CAST: variants seen among roughly 807,000 people sequenced by gnomAD.
The protein encoded by CAST is calpastatin.
In CAST, 76 loss-of-function variants were observed where a neutral mutation model predicts 119.6. The observed-to-expected ratio is 0.64, with a 90% CI of 0.53 to 0.77. The LOEUF is 0.77. Ranked by LOEUF, CAST falls within the 30% of genes least tolerant of loss-of-function variation. The pLI is 0.00. For synonymous variants in CAST, 319 were observed against 331.6 expected (o/e 0.96, Z 0.41); for missense variants, 953 against 946.5 (o/e 1.01, Z -0.09).
At chr5:96,738,143 G>A (rs1228626460) in intron 11 of CAST, among the ~76,000 whole-genome samples, 196 bp downstream of exon 11, 2 of 152,136 alleles carry the variant, frequency 1.3e-5, no homozygotes, top group Non-Finnish European at 2.9e-5. Context: ...CCAACATGGT[G>A]AAACCCTGTC....
At chr5:96,324,814 G>T in the CAST span, among the ~76,000 whole-genome samples, 2 of 151,504 alleles carry the variant, frequency 1.3e-5, no homozygotes, top group African/African-American at 4.9e-5. Flanking sequence ...TTTTCCCCAG[G>T]TTCCACTTAA....
the CAST span, among the ~76,000 whole-genome samples, chr5:96,243,347 A>G: frequency 3.8e-4 from 58 of 151,918 alleles, no homozygotes; most frequent in Non-Finnish European, 7.5e-4. Context: ...CAAGAGACTG[A>G]AGAACGTTTT....
chr5:96,092,170 C>T, the CAST span, among the ~76,000 whole-genome samples: 1 of 152,172 alleles, frequency 6.6e-6, no homozygotes, highest in Non-Finnish European at 1.5e-5. Context: ...CTACTCCTCT[C>T]CCTTAGAAAA....
At chr5:96,666,030 A>G (rs1488859286) in intron 1 of CAST, among the ~76,000 whole-genome samples, 1 of 152,208 alleles carries the variant, frequency 6.6e-6, no homozygotes, top group Non-Finnish European at 1.5e-5. Flanking sequence ...AAATCCTATA[A>G]TTAAAATATC....
intron 1 of CAST, among the ~76,000 whole-genome samples, chr5:96,654,490 A>G (rs1386991837): frequency 6.6e-6 from 1 of 152,202 alleles, no homozygotes; most frequent in Non-Finnish European, 1.5e-5. Context: ...TACCAGTTTC[A>G]AAAACAAAGC....
At chr5:96,735,294 G>C (rs922297778) in intron 9 of CAST, among the ~76,000 whole-genome samples, 26 of 152,242 alleles carry the variant, frequency 1.7e-4, no homozygotes, top group African/African-American at 6.0e-4. Flanking sequence ...CAACTGTTAT[G>C]CAAACCTTGG....
At chr5:96,376,152 C>A in the CAST span, among the ~76,000 whole-genome samples, 1 of 150,710 alleles carries the variant, frequency 6.6e-6, no homozygotes, top group Admixed American at 6.6e-5. Context: ...TGCATAACAA[C>A]ATTTCAGCCA....
the CAST span, chr5:96,412,477 C>G: frequency 1.2e-6 from 2 of 1,613,968 alleles, no homozygotes; most frequent in South Asian, 2.2e-5. Context: ...CAATGCCATC[C>G]AGCATTCTTA....
chr5:96,164,825 T>C, the CAST span, among the ~76,000 whole-genome samples: 1 of 152,306 alleles, frequency 6.6e-6, no homozygotes. Context: ...TTCCTTTTCT[T>C]CTTTCTCTTT....
intron 1 of CAST, among the ~76,000 whole-genome samples, chr5:96,667,374 G>A (rs1749476104): frequency 1.3e-5 from 2 of 152,190 alleles, no homozygotes; most frequent in African/African-American, 4.8e-5. Context: ...GCCTCCTCTT[G>A]CATTTCTCAT....
At chr5:95,996,574 G>T in the CAST span, among the ~76,000 whole-genome samples, 3 of 152,142 alleles carry the variant, frequency 2.0e-5, no homozygotes, top group Non-Finnish European at 4.4e-5. Flanking sequence ...GAAACAAATG[G>T]AGATGTCAGT....
the CAST span, among the ~76,000 whole-genome samples, chr5:96,288,479 C>T: frequency 3.3e-5 from 5 of 152,218 alleles, no homozygotes; most frequent in South Asian, 8.3e-4. Context: ...CAGAAGATTT[C>T]TGAGCAGTGA....
chr5:96,547,334 C>T (rs1367942682), intron 1 of CAST, among the ~76,000 whole-genome samples: 2 of 152,118 alleles, frequency 1.3e-5, no homozygotes, highest in African/African-American at 4.8e-5. Context: ...ACTCCCAGTT[C>T]CAGGCTGAAG....
intron 1 of CAST, among the ~76,000 whole-genome samples, chr5:96,544,304 T>C (rs1398049738): frequency 6.6e-6 from 1 of 152,242 alleles, no homozygotes; most frequent in East Asian, 1.9e-4. Flanking sequence ...TATTTCATTT[T>C]ATGCTCATGT....
At chr5:96,130,222 A>G in the CAST span, among the ~76,000 whole-genome samples, 74 of 152,130 alleles carry the variant, frequency 4.9e-4, no homozygotes, top group Middle Eastern at 6.8e-3. Flanking sequence ...ATTTGATACA[A>G]TTAAAATAGC....
intron 30 of CAST, 102 bp from the exon 31 acceptor site, chr5:96,771,542 C>G: frequency 1.3e-6 from 1 of 753,672 alleles, no homozygotes; most frequent in Non-Finnish European, 2.2e-6. Flanking sequence ...TCTTATTTTT[C>G]CCCACTGACT....
At chr5:95,971,554 A>C in the CAST span, among the ~76,000 whole-genome samples, 1 of 152,224 alleles carries the variant, frequency 6.6e-6, no homozygotes, top group African/African-American at 2.4e-5. Context: ...GAACAATTCT[A>C]TTACCTCCTC....
At chr5:96,052,901 G>A in the CAST span, among the ~76,000 whole-genome samples, 1 of 151,990 alleles carries the variant, frequency 6.6e-6, no homozygotes, top group Non-Finnish European at 1.5e-5. Flanking sequence ...TGTGTGCCCT[G>A]TAGACAGTGG....
intron 29 of CAST, 45 bp from the exon 30 acceptor site, chr5:96,770,486 T>A (rs371166608): frequency 1.6e-6 from 2 of 1,223,852 alleles, no homozygotes; most frequent in Non-Finnish European, 1.2e-6. Context: ...AATTGCTAGA[T>A]GGATTGGTGA....
Sources: gnomAD v4.1 joint callset for allele counts (sites outside exome capture counted in the v4.1 genomes callset) on GRCh38, gnomAD v4.1.1 for gene constraint, MANE v1.5 for transcripts, NCBI Gene and HGNC (gene_info 2026-07-23, HGNC 2026-07-21) for gene names.